The following ERG variants were observed in gnomAD, a reference collection of about 807,000 sequenced individuals.
ERG encodes the protein transcriptional regulator ERG.
ERG carries 9 observed loss-of-function variants against 55.3 expected under a neutral mutation model. That is an observed-to-expected ratio of 0.16 (90% CI 0.10 to 0.28). ERG has a LOEUF of 0.28. Among genes scored for constraint, ERG ranks in the 10% least tolerant of loss-of-function variants. The pLI, the probability that ERG is intolerant of heterozygous loss-of-function variation, is 1.00. For synonymous variants in ERG, 223 were observed against 237.3 expected (o/e 0.94, Z 0.55); for missense variants, 434 against 631.6 (o/e 0.69, Z 3.35).
At chr21:38,470,327 A>C (rs1300546612) in intron 1 of ERG, among the ~76,000 whole-genome samples, 1 of 152,088 alleles carries the variant, frequency 6.6e-6, no homozygotes, top group Admixed American at 6.5e-5. Flanking sequence ...CAAAAAGATG[A>C]CCTAACTCAT....
At chr21:38,572,075 G>T (rs752498580) in intron 2 of ERG, among the ~76,000 whole-genome samples, 1 of 151,916 alleles carries the variant, frequency 6.6e-6, no homozygotes, top group Non-Finnish European at 1.5e-5. Context: ...ACTTCCTTCC[G>T]GCCAGGTGCG....
At chr21:38,516,334 T>A (rs1340019865) in intron 2 of ERG, among the ~76,000 whole-genome samples, 2 of 151,700 alleles carry the variant, frequency 1.3e-5, no homozygotes, top group East Asian at 1.9e-4. Context: ...ATGCACTGGC[T>A]GAGAAAGAAA....
At chr21:38,595,482 G>T (rs573125576) in intron 1 of ERG, among the ~76,000 whole-genome samples, 2 of 152,302 alleles carry the variant, frequency 1.3e-5, no homozygotes, top group Admixed American at 6.5e-5. Flanking sequence ...TCAGCCCCAA[G>T]AATGAGCATG....
intron 3 of ERG, among the ~76,000 whole-genome samples, chr21:38,410,363 T>C (rs1184479805): frequency 1.3e-5 from 2 of 152,366 alleles, no homozygotes; most frequent in Non-Finnish European, 1.5e-5. Flanking sequence ...ATTCTACATG[T>C]CATGGACACC....
chr21:38,629,314 T>C (rs547741839), intron 1 of ERG, among the ~76,000 whole-genome samples: 34 of 152,350 alleles, frequency 2.2e-4, no homozygotes, highest in Admixed American at 1.9e-3. Context: ...ACTAGGTCTC[T>C]ATGAAAGGTG....
intron 1 of ERG, among the ~76,000 whole-genome samples, chr21:38,624,856 T>A (rs1034262946): frequency 2.0e-5 from 3 of 152,236 alleles, no homozygotes; most frequent in African/African-American, 7.2e-5. Context: ...TATGTGGCTA[T>A]CTCCCCCACT....
rs985051350 is a variant in ERG at position 38,405,879 on chromosome 21, G to A, written c.389-2170C>T. On this transcript the variant is annotated intron_variant, in intron 3 of 9. Coordinates refer to ENST00000288319, the MANE Select transcript of ERG (RefSeq NM_182918.4). ...TTAAAAATCAGTGCACAGGCCAGGC[G>A]CGGTGGCTCACGCCTGTAATCCCAG... 2.6e-5 allele frequency among the ~76,000 whole-genome samples: 4 copies of A among 152,188 alleles called. 1 individual carries two copies. The highest frequency in any genetic ancestry group is 4.4e-5 in the Non-Finnish European group (3 of 68,020).
intron 2 of ERG, among the ~76,000 whole-genome samples, chr21:38,564,633 T>C (rs531204067): frequency 1.2e-4 from 19 of 152,018 alleles, no homozygotes; most frequent in Non-Finnish European, 2.4e-4. Context: ...TGTCCACCCA[T>C]GCAAATCACT....
chr21:38,555,326 C>CA (rs11443169), intron 2 of ERG, among the ~76,000 whole-genome samples: 68,925 of 138,202 alleles, frequency 0.5, 18,093 homozygotes, highest in Non-Finnish European at 0.63. Context: ...GACTCTGTCT[C>CA]AAAAAAAAAA....
chr21:38,369,575 G>A, the ERG span, among the ~76,000 whole-genome samples: 1 of 152,130 alleles, frequency 6.6e-6, no homozygotes, highest in East Asian at 1.9e-4. Context: ...TCTGTAGATT[G>A]TCTGTTTACT....
intron 1 of ERG, among the ~76,000 whole-genome samples, chr21:38,468,432 GC>G (rs898362778): frequency 1.3e-5 from 2 of 152,140 alleles, no homozygotes; most frequent in African/African-American, 4.8e-5. Flanking sequence ...AAGGAGCAAA[GC>G]TTTTCAAATT....
At chr21:38,469,686 C>G (rs966333099) in intron 1 of ERG, among the ~76,000 whole-genome samples, 1 of 152,100 alleles carries the variant, frequency 6.6e-6, no homozygotes, top group African/African-American at 2.4e-5. Context: ...AAACCCAGAA[C>G]TTCTAGGCAG....
chr21:38,532,424 C>T (rs970886580), intron 2 of ERG, among the ~76,000 whole-genome samples: 13 of 150,946 alleles, frequency 8.6e-5, no homozygotes, highest in Non-Finnish European at 1.3e-4. Flanking sequence ...GAAGTCACTA[C>T]GAAAGTTACT....
At chr21:38,647,741 C>A (rs1425100052) in intron 1 of ERG, among the ~76,000 whole-genome samples, 2 of 152,136 alleles carry the variant, frequency 1.3e-5, no homozygotes, top group African/African-American at 4.8e-5. Context: ...TAAGGTATCC[C>A]CAAAATGATT....
Position 38,594,010 on chromosome 21 carries a change from C to CAA in ERG, c.-149-9067_-149-9066dup, listed in dbSNP as rs531850366. Among the ~76,000 whole-genome samples the CAA allele has an allele frequency of 5.4e-4, 80 of 147,730 alleles. 1 individual carries two copies. Among genetic ancestry groups the CAA allele is most frequent in the African/African-American group, 1.9e-3 (76 of 40,234 alleles). ...CCCAATTCGTATATCACATTGTTGA[C>CAA]AAAAAAAAAATTAGAGAATACCAAC... On this transcript the variant is annotated intron_variant, in intron 1 of 10. Transcript: ENST00000398910.
intron 2 of ERG, among the ~76,000 whole-genome samples, chr21:38,508,238 G>A (rs1229177018): frequency 6.6e-6 from 1 of 151,964 alleles, no homozygotes; most frequent in South Asian, 2.1e-4. Flanking sequence ...TGCAGGCCCT[G>A]TGAGCTGTGG....
chr21:38,585,558 T>TTTTGTTTTTTTTTTTTG (rs2060058811), upstream of ERG, among the ~76,000 whole-genome samples: 1 of 143,292 alleles, frequency 7.0e-6, no homozygotes, highest in Non-Finnish European at 1.5e-5. Flanking sequence ...TTTTTTTTTT[T>TTTTGTTTTTTTTTTTTG]AGATACAGGA....
chr21:38,440,559 G>A (rs1025919596), intron 2 of ERG, among the ~76,000 whole-genome samples: 9 of 152,104 alleles, frequency 5.9e-5, no homozygotes, highest in African/African-American at 2.2e-4. Flanking sequence ...GGTGGCTCAC[G>A]CTTGTAATCC....
chr21:38,455,516 G>A (rs16996350), intron 1 of ERG, among the ~76,000 whole-genome samples: 2,195 of 152,164 alleles, frequency 0.014, 58 homozygotes, highest in African/African-American at 0.05. Flanking sequence ...GTGAAAAATC[G>A]GCAGTTTTAT....
Sources: allele counts gnomAD v4.1 joint callset (sites outside exome capture counted in the v4.1 genomes callset), GRCh38; gene constraint gnomAD v4.1.1; transcripts MANE v1.5; gene names NCBI Gene and HGNC (gene_info 2026-07-23, HGNC 2026-07-21).